DPP10: variants seen among roughly 807,000 people sequenced by gnomAD.
The protein encoded by DPP10 is inactive dipeptidyl peptidase 10.
A neutral mutation model predicts 120.9 loss-of-function variants in DPP10; 33 were observed. The observed-to-expected ratio is 0.27, with a 90% CI of 0.21 to 0.37. The LOEUF is 0.37. Among genes scored for constraint, DPP10 ranks in the 10% least tolerant of loss-of-function variants. The pLI is 1.00. For missense variants in DPP10, 816 were observed against 942.8 expected (o/e 0.87, Z 1.76); for synonymous variants, 337 against 326.1 (o/e 1.03, Z -0.36).
intron 1 of DPP10, among the ~76,000 whole-genome samples, chr2:115,023,855 C>T (rs1453657319): frequency 6.6e-6 from 1 of 152,064 alleles, no homozygotes; most frequent in Non-Finnish European, 1.5e-5. Flanking sequence ...TAATGACATT[C>T]ACAGCAACCT....
At chr2:114,762,017 C>T (rs1680324294) in intron 1 of DPP10, among the ~76,000 whole-genome samples, 1 of 152,102 alleles carries the variant, frequency 6.6e-6, no homozygotes, top group Non-Finnish European at 1.5e-5. Flanking sequence ...GCTACTTTCC[C>T]TGTCTCATTT....
intron 5 of DPP10, among the ~76,000 whole-genome samples, chr2:115,622,402 A>ACTAC (rs1057321307): frequency 1.3e-5 from 2 of 151,876 alleles, no homozygotes; most frequent in Admixed American, 1.3e-4. Context: ...TCTTGGATAT[A>ACTAC]CTACATTTTA....
intron 1 of DPP10, among the ~76,000 whole-genome samples, chr2:114,737,861 A>G (rs1423327798): frequency 6.6e-6 from 1 of 152,226 alleles, no homozygotes; most frequent in Non-Finnish European, 1.5e-5. Flanking sequence ...AATGAGGTAT[A>G]ATATGTAAGT....
intron 13 of DPP10, among the ~76,000 whole-genome samples, chr2:115,776,491 C>G (rs575222796): frequency 6.6e-6 from 1 of 152,218 alleles, no homozygotes; most frequent in East Asian, 1.9e-4. Flanking sequence ...ATATGTGCCA[C>G]ATTTTCTTTA....
At chr2:115,057,320 G>C (rs1706004745) in intron 1 of DPP10, among the ~76,000 whole-genome samples, 1 of 152,134 alleles carries the variant, frequency 6.6e-6, no homozygotes, top group Non-Finnish European at 1.5e-5. Context: ...CTTTCTTCTT[G>C]CATTTATTAT....
chr2:115,601,839 A>AT (rs34334965), intron 5 of DPP10, among the ~76,000 whole-genome samples: 135 of 139,946 alleles, frequency 9.6e-4, no homozygotes, highest in Middle Eastern at 7.8e-3. Flanking sequence ...ATGCCTGGCT[A>AT]TTTTTTTTTT....
chr2:115,568,031 A>C (rs186551473), intron 5 of DPP10, among the ~76,000 whole-genome samples: 1 of 152,266 alleles, frequency 6.6e-6, no homozygotes, highest in South Asian at 2.1e-4. Flanking sequence ...CAAAAAAATT[A>C]GCCAGGCATA....
intron 1 of DPP10, among the ~76,000 whole-genome samples, chr2:114,846,561 T>G (rs1241168818): frequency 6.7e-6 from 1 of 149,658 alleles, no homozygotes; most frequent in Non-Finnish European, 1.5e-5. Context: ...TAAATGTAAA[T>G]TCCATACTCA....
rs146682573 is a variant in DPP10, at chr2:115,060,447, G to T, written c.61-248792G>T. The stretch of plus-strand genomic sequence containing the variant: ...GTTTCTATAAAATATACGAAAATTA[G>T]CTGGGTGTGGTGGCATATGCCTGTA... On this transcript the variant is annotated intron_variant, in intron 1 of 25. Coordinates refer to ENST00000410059, the MANE Select transcript of DPP10 (RefSeq NM_020868.6). 1.7e-3 allele frequency among the ~76,000 whole-genome samples: 258 copies of T among 152,136 alleles called. 1 individual carries two copies. Among genetic ancestry groups the T allele is most frequent in the African/African-American group, 5.9e-3 (246 of 41,504 alleles).
chr2:115,610,560 A>G (rs974936670), intron 5 of DPP10, among the ~76,000 whole-genome samples: 2 of 151,974 alleles, frequency 1.3e-5, no homozygotes, highest in African/African-American at 4.8e-5. Context: ...TACAAACATA[A>G]AAGAGCTACA....
At chr2:114,978,936 C>T (rs1371636341) in intron 1 of DPP10, among the ~76,000 whole-genome samples, 2 of 152,022 alleles carry the variant, frequency 1.3e-5, no homozygotes, top group Admixed American at 6.6e-5. Flanking sequence ...CATGCTGGAC[C>T]GTATAATTCA....
At chr2:114,718,210 A>G (rs1277018011) in intron 1 of DPP10, among the ~76,000 whole-genome samples, 1 of 152,096 alleles carries the variant, frequency 6.6e-6, no homozygotes, top group Non-Finnish European at 1.5e-5. Context: ...TGTAATATAT[A>G]TCTCCAGTCC....
At chr2:114,481,951 GGAGGA>G (rs1436723420) in intron 1 of DPP10, among the ~76,000 whole-genome samples, 1 of 150,338 alleles carries the variant, frequency 6.7e-6, no homozygotes, top group Non-Finnish European at 1.5e-5. Context: ...GGAGAAGAGA[GGAGGA>G]GAGGAGAGAG....
chr2:115,167,354 T>G (rs1430568214), intron 1 of DPP10, among the ~76,000 whole-genome samples: 1 of 151,100 alleles, frequency 6.6e-6, no homozygotes, highest in Non-Finnish European at 1.5e-5. Flanking sequence ...GCCTAGGAGT[T>G]CTAGACCAGC....
intron 3 of DPP10, among the ~76,000 whole-genome samples, chr2:115,478,125 C>A (rs1339053250): frequency 6.6e-6 from 1 of 152,088 alleles, no homozygotes; most frequent in Non-Finnish European, 1.5e-5. Flanking sequence ...TTCCACCAGG[C>A]CCCACCTCCA....
rs186077683 is a variant in DPP10, at chr2:115,614,583, A to G, written c.442-75104A>G. On this transcript the variant is annotated intron_variant, in intron 5 of 25. Coordinates refer to ENST00000410059, the MANE Select transcript of DPP10 (RefSeq NM_020868.6). ...TGGTATTATAGGCATACGCCACCAC[A>G]CCAGCTAATTTTTGTATTTTTAGTA... 3.1e-3 allele frequency among the ~76,000 whole-genome samples: 474 copies of G among 152,054 alleles called. 2 individuals are homozygous for G. Among genetic ancestry groups the G allele is most frequent in the African/African-American group, 0.011 (451 of 41,492 alleles).
chr2:115,123,842 G>T (rs2049943662), intron 1 of DPP10, among the ~76,000 whole-genome samples: 1 of 152,012 alleles, frequency 6.6e-6, no homozygotes, highest in Admixed American at 6.6e-5. Flanking sequence ...TGCCCCAAAA[G>T]AAGCCTGCTG....
chr2:115,576,631 C>G (rs367601935), intron 5 of DPP10, among the ~76,000 whole-genome samples: 1 of 152,112 alleles, frequency 6.6e-6, no homozygotes, highest in Admixed American at 6.6e-5. Flanking sequence ...GATTTGAAAA[C>G]GGTTGAGATG....
At chr2:114,579,690 C>G (rs1016299911) in intron 1 of DPP10, among the ~76,000 whole-genome samples, 9 of 152,166 alleles carry the variant, frequency 5.9e-5, no homozygotes, top group Non-Finnish European at 1.0e-4. Context: ...GTTTATAAAT[C>G]TCGTCGGAGA....
Sources: gnomAD v4.1 joint callset for allele counts (sites outside exome capture counted in the v4.1 genomes callset) on GRCh38, gnomAD v4.1.1 for gene constraint, MANE v1.5 for transcripts, NCBI Gene and HGNC (gene_info 2026-07-23, HGNC 2026-07-21) for gene names.